The following MARCHF1 variants were observed in gnomAD, a reference collection of about 807,000 sequenced individuals.
MARCHF1 encodes E3 ubiquitin-protein ligase MARCHF1.
Under a neutral mutation model 54.2 loss-of-function variants are expected in MARCHF1, and 40 were observed. That is an observed-to-expected ratio of 0.74 (90% CI 0.57 to 0.96). The LOEUF (loss-of-function observed/expected upper bound fraction) is 0.96. Among genes scored for constraint, MARCHF1 ranks in the 40% least tolerant of loss-of-function variants. The pLI, the probability that MARCHF1 is intolerant of heterozygous loss-of-function variation, is 0.00. For synonymous variants in MARCHF1, 236 were observed against 236.3 expected, an observed-to-expected ratio of 1.00 and a Z score of 0.01; for missense variants, 586 against 656.5, an observed-to-expected ratio of 0.89 and a Z score of 1.17.
At chr4:163,896,961 C>T (rs543859606) in intron 3 of MARCHF1, among the ~76,000 whole-genome samples, 3 of 152,152 alleles carry the variant, frequency 2.0e-5, no homozygotes, top group Non-Finnish European at 4.4e-5. Flanking sequence ...ACCAGTCCAT[C>T]CCCCTTCATT....
chr4:164,306,257 T>C (rs1199840628), intron 1 of MARCHF1, among the ~76,000 whole-genome samples: 2 of 152,230 alleles, frequency 1.3e-5, no homozygotes, highest in East Asian at 3.9e-4. Context: ...AAAAAGTAAG[T>C]CAACTTATCA....
intron 8 of MARCHF1, among the ~76,000 whole-genome samples, chr4:163,557,536 T>A (rs1440775299): frequency 1.3e-5 from 2 of 152,164 alleles, no homozygotes; most frequent in South Asian, 2.1e-4. Context: ...TATGTGAAAT[T>A]TTTTGAGACA....
intron 1 of MARCHF1, among the ~76,000 whole-genome samples, chr4:164,253,062 C>T (rs1733172063): frequency 1.3e-5 from 2 of 151,856 alleles, no homozygotes; most frequent in South Asian, 2.1e-4. Context: ...AGTGGTATAA[C>T]AATAAATTAA....
At chr4:163,703,659 C>T (rs763684279) in intron 4 of MARCHF1, among the ~76,000 whole-genome samples, 7 of 151,996 alleles carry the variant, frequency 4.6e-5, no homozygotes, top group Admixed American at 2.0e-4. Context: ...AACAAGTCTG[C>T]GTGGAATGGA....
At chr4:163,680,387 G>A (rs1744065194) in intron 5 of MARCHF1, among the ~76,000 whole-genome samples, 2 of 152,184 alleles carry the variant, frequency 1.3e-5, no homozygotes, top group Non-Finnish European at 2.9e-5. Context: ...TCTTCCTTGT[G>A]TCTTTTAAAA....
intron 1 of MARCHF1, among the ~76,000 whole-genome samples, chr4:164,208,962 G>C (rs1361022055): frequency 6.7e-6 from 1 of 149,334 alleles, no homozygotes; most frequent in African/African-American, 2.5e-5. Context: ...CTGTCTGTCT[G>C]TCTCTCTCTC....
chr4:164,257,398 G>A (rs918535128), intron 1 of MARCHF1, among the ~76,000 whole-genome samples: 2 of 151,872 alleles, frequency 1.3e-5, no homozygotes, highest in Non-Finnish European at 2.9e-5. Flanking sequence ...AAACCTTAGA[G>A]ATATATTGGA....
At chr4:164,271,164 C>T (rs1176930768) in intron 1 of MARCHF1, among the ~76,000 whole-genome samples, 2 of 152,076 alleles carry the variant, frequency 1.3e-5, no homozygotes, top group Non-Finnish European at 2.9e-5. Context: ...TAATGGCCCT[C>T]AAAGATGCCC....
At chr4:163,965,749 G>T (rs1052081125) in intron 3 of MARCHF1, among the ~76,000 whole-genome samples, 2 of 152,036 alleles carry the variant, frequency 1.3e-5, no homozygotes, top group East Asian at 1.9e-4. Flanking sequence ...ATTCCCAAAT[G>T]AACAGATTCC....
At chr4:163,870,332 C>T (rs1480784801) in intron 3 of MARCHF1, among the ~76,000 whole-genome samples, 2 of 152,008 alleles carry the variant, frequency 1.3e-5, no homozygotes. Flanking sequence ...TTCAAACTGA[C>T]CCCATTTTTC....
chr4:163,854,066 G>C lies in MARCHF1; in HGVS notation c.66C>G (p.Pro22=). The change falls in exon 4 of 10, where the codon CCC becomes CCG. Residue 22 remains proline, a synonymous_variant. Coordinates refer to ENST00000514618, the MANE Select transcript of MARCHF1 (RefSeq NM_001394959.1). ...CGTCAGCCAAATCCCCTGAGATCTC[G>C]GGTGTTCGCGTGTTGTTTGGAATTC... The part of the protein sequence containing the change: ...PHRIPNNTRT[P]EISGDLADAS... The C allele has an allele frequency of 5.2e-6, 8 of 1,536,808 alleles. No individual in the cohort carries two copies. Among genetic ancestry groups the C allele is most frequent in the Non-Finnish European group, 7.0e-6 (8 of 1,146,636 alleles).
At chr4:164,337,226 C>T (rs534097334) in intron 1 of MARCHF1, among the ~76,000 whole-genome samples, 4 of 152,300 alleles carry the variant, frequency 2.6e-5, no homozygotes, top group Non-Finnish European at 4.4e-5. Context: ...TGACTACCAC[C>T]TGTGGATGTC....
intron 9 of MARCHF1, among the ~76,000 whole-genome samples, chr4:163,534,927 G>T (rs1456755186): frequency 2.6e-5 from 4 of 151,850 alleles, no homozygotes; most frequent in African/African-American, 9.7e-5. Flanking sequence ...TTCATTTTAG[G>T]ATAAAAAATA....
At chr4:164,088,653 A>T (rs1260460482) in intron 2 of MARCHF1, among the ~76,000 whole-genome samples, 1 of 152,074 alleles carries the variant, frequency 6.6e-6, no homozygotes, top group Non-Finnish European at 1.5e-5. Flanking sequence ...TGGGAGAATC[A>T]CCTGAGCCCC....
intron 4 of MARCHF1, among the ~76,000 whole-genome samples, chr4:163,750,195 A>G (rs1183117449): frequency 1.3e-5 from 2 of 152,036 alleles, no homozygotes; most frequent in African/African-American, 2.4e-5. Flanking sequence ...CTTTGTAACC[A>G]TCAGAGACAC....
intron 1 of MARCHF1, among the ~76,000 whole-genome samples, chr4:164,286,283 T>A (rs1006509231): frequency 6.6e-6 from 1 of 152,208 alleles, no homozygotes; most frequent in Non-Finnish European, 1.5e-5. Context: ...TAAAGTCAAA[T>A]GTTTCCTGCT....
intron 3 of MARCHF1, among the ~76,000 whole-genome samples, chr4:163,902,168 G>A (rs983636849): frequency 1.3e-5 from 2 of 152,158 alleles, no homozygotes; most frequent in Non-Finnish European, 2.9e-5. Context: ...TTAGTGAAGT[G>A]ACATCAAAAC....
intron 3 of MARCHF1, among the ~76,000 whole-genome samples, chr4:163,926,857 T>C (rs1329241264): frequency 6.6e-6 from 1 of 151,542 alleles, no homozygotes; most frequent in Non-Finnish European, 1.5e-5. Context: ...CCAAGGAACA[T>C]AGTCAACTTT....
intron 4 of MARCHF1, among the ~76,000 whole-genome samples, chr4:163,822,315 A>C (rs1748715521): frequency 6.6e-6 from 1 of 151,956 alleles, no homozygotes; most frequent in Non-Finnish European, 1.5e-5. Context: ...ATGCATTCAC[A>C]AATAAGAAAA....
Sources: allele counts gnomAD v4.1 joint callset (sites outside exome capture counted in the v4.1 genomes callset), GRCh38; gene constraint gnomAD v4.1.1; transcripts MANE v1.5; gene names NCBI Gene and HGNC (gene_info 2026-07-23, HGNC 2026-07-21).